Variants in HERC1 observed in about 807,000 individuals in gnomAD.
The protein encoded by HERC1 is HECT and RLD domain containing E3 ubiquitin protein ligase family member 1, also known as probable E3 ubiquitin-protein ligase HERC1.
A neutral mutation model predicts 554.3 loss-of-function variants in HERC1; 160 were observed. That is an observed-to-expected ratio of 0.29 (90% CI 0.25 to 0.33). The LOEUF (loss-of-function observed/expected upper bound fraction) is 0.33, where lower values mean the gene tolerates loss of function less well. Among genes scored for constraint, HERC1 ranks in the 10% least tolerant of loss-of-function variants. The pLI is 1.00. For synonymous variants in HERC1, 2,175 were observed against 2,131.7 expected, an observed-to-expected ratio of 1.02 and a Z score of -0.56; for missense variants, 4,919 against 5,918.5, an observed-to-expected ratio of 0.83 and a Z score of 5.54.
chr15:63,638,316 T>C (rs897437953), intron 63 of HERC1, 95 bp downstream of exon 63: 4 of 1,277,120 alleles, frequency 3.1e-6, no homozygotes, highest in Non-Finnish European at 3.3e-6. Flanking sequence ...TAATAGATTA[T>C]GAAATGGACA....
rs759972144 is a variant in HERC1, at chr15:63,615,750, C to T, written c.14094+18G>A. 1.0e-5 allele frequency: 16 copies of T among 1,564,068 alleles called. No individual in the cohort carries two copies. The highest frequency in any genetic ancestry group is 8.2e-5 in the Admixed American group (4 of 48,942). On this transcript the variant is annotated intron_variant, in intron 76 of 77. Coordinates refer to ENST00000443617, the MANE Select transcript of HERC1 (RefSeq NM_003922.4). Reference sequence around the variant, plus strand: ...AACCCAAGCATTCATGTGTACCTCCCGAGATGTTTCATCTCACCTGTCTGT... The same window carrying T: ...AACCCAAGCATTCATGTGTACCTCCTGAGATGTTTCATCTCACCTGTCTGT...
intron 74 of HERC1, among the ~76,000 whole-genome samples, chr15:63,617,984 T>C (rs1022117756): frequency 1.3e-5 from 2 of 152,178 alleles, no homozygotes; most frequent in Non-Finnish European, 2.9e-5. Context: ...TAGTTTCTTT[T>C]GCTGTGCAGA....
chr15:63,616,344 C>T, intron 75 of HERC1, 86 bp downstream of exon 75: 4 of 1,381,148 alleles, frequency 2.9e-6, no homozygotes, highest in Non-Finnish European at 4.0e-6. Flanking sequence ...AAGTGGAAGA[C>T]TGTATCTCAA....
At chr15:63,637,354 G>T in intron 64 of HERC1, 151 bp downstream of exon 64, 1 of 655,312 alleles carries the variant, frequency 1.5e-6, no homozygotes, top group Non-Finnish European at 2.6e-6. Flanking sequence ...TGGAAATTAA[G>T]GCTGCACACA....
chr15:63,618,479 A>G (rs944198776), intron 74 of HERC1, among the ~76,000 whole-genome samples: 34 of 150,386 alleles, frequency 2.3e-4, no homozygotes, highest in Non-Finnish European at 4.3e-4. Flanking sequence ...TTGACTTGGC[A>G]ATGCGGGCTC....
At chr15:63,634,365 G>A (rs2068690674) in intron 66 of HERC1, among the ~76,000 whole-genome samples, 1 of 152,172 alleles carries the variant, frequency 6.6e-6, no homozygotes, top group South Asian at 2.1e-4. Flanking sequence ...CTACTTAGGA[G>A]CAGTAGCTAC....
chr15:63,734,880 G>A lies in HERC1; in HGVS notation c.2521-31C>T. The A allele has an allele frequency of 6.3e-7, 1 of 1,588,714 alleles. No individual in the cohort carries two copies. Among genetic ancestry groups the A allele is most frequent in the Non-Finnish European group, 8.6e-7 (1 of 1,166,768 alleles). On this transcript the variant is annotated intron_variant, in intron 12 of 77. Transcript: ENST00000443617. The surrounding 1 kb of genome is among the most constrained non-coding windows in gnomAD (Gnocchi z 4.6). ...ATCAAAAGAGAAAAGTATACTGATT[G>A]GCCTGGTTCTTAGTTTTTAATAAAA... is the stretch of plus-strand genomic sequence containing the variant.
chr15:63,695,778 G>A (rs1213090520), intron 27 of HERC1, among the ~76,000 whole-genome samples: 1 of 152,044 alleles, frequency 6.6e-6, no homozygotes, highest in African/African-American at 2.4e-5. Context: ...GTTATCAAAG[G>A]AATCACACAA....
In HERC1 at chr15:63,674,980, T is replaced by C. The variant is rs1449161983; in HGVS notation, c.7208A>G (p.His2403Arg). ...GGTGCTCTGTTTGCCCATGTCTTCA[T>C]GAACGCCAGTGAGATATGTTAGGTC... Reference protein sequence around the residue: ...LLDLTYLTGVHEDMGKQSTKR... With the variant: ...LLDLTYLTGVREDMGKQSTKR... The change falls in exon 38 of 78, where the codon CAT becomes CGT. Residue 2403 changes from histidine (H) to arginine (R), a missense_variant. Transcript: ENST00000443617. 1.2e-6 allele frequency: 2 copies of C among 1,614,044 alleles called. No homozygotes were observed. Among genetic ancestry groups the C allele is most frequent in the South Asian group, 1.1e-5 (1 of 91,088 alleles).
Position 63,651,378 on chromosome 15 carries a change from T to C in HERC1, c.10421A>G (p.Glu3474Gly). The C allele has an allele frequency of 6.2e-7, 1 of 1,612,748 alleles. No homozygotes were observed. The highest frequency in any genetic ancestry group is 2.2e-5 in the East Asian group (1 of 44,864). ...TCCCAGGCTTTCCTCAGCATCCCCT[T>C]CCCTAGAATATAACAGACAGATATG... ...LQQTCVFNRL[E>G]GDAEESLGSP... The change falls in exon 53 of 78, where the codon GAA becomes GGA. Residue 3474 changes from glutamate to glycine, a missense_variant and splice_region_variant. By Grantham distance (98) the Glu-to-Gly change is moderately conservative (BLOSUM62 -2). Coordinates refer to ENST00000443617, the MANE Select transcript of HERC1 (RefSeq NM_003922.4).
intron 1 of HERC1, among the ~76,000 whole-genome samples, chr15:63,796,522 G>A (rs988983317): frequency 7.9e-5 from 12 of 152,160 alleles, no homozygotes; most frequent in African/African-American, 2.9e-4. Context: ...AAATAGCTGA[G>A]TTAGGTCTCA....
At chr15:63,629,618 C>T (rs1373106208) in intron 69 of HERC1, among the ~76,000 whole-genome samples, 1 of 152,210 alleles carries the variant, frequency 6.6e-6, no homozygotes, top group Non-Finnish European at 1.5e-5. Flanking sequence ...ACGGCACTGC[C>T]AGGAAACTCC....
chr15:63,632,661 T>C, intron 68 of HERC1, 48 bp downstream of exon 68: 8 of 1,231,552 alleles, frequency 6.5e-6, no homozygotes, highest in Non-Finnish European at 9.3e-6. Context: ...GGAAGGCCAA[T>C]GTTTATAATG....
Position 63,698,937 on chromosome 15 carries a change from T to C in HERC1, c.4696A>G (p.Arg1566Gly). 6.2e-7 allele frequency: 1 copy of C among 1,613,844 alleles called. No homozygotes were observed. Among genetic ancestry groups the C allele is most frequent in the Non-Finnish European group, 8.5e-7 (1 of 1,179,706 alleles). Reference sequence around the variant, plus strand: ...TAGGAGGAGTTGCATAACCAGTCTCTGCTATGTTTCAGGCGAGCCCAAGAG... The same window carrying C: ...TAGGAGGAGTTGCATAACCAGTCTCCGCTATGTTTCAGGCGAGCCCAAGAG... ...SDSWARLKHS[R>G]DWLCNSSYSF... The change falls in exon 26 of 78, where the codon AGA becomes GGA. Residue 1566 changes from arginine (R) to glycine (G), a missense_variant. Transcript: ENST00000443617.
At chr15:63,618,363 T>G (rs1393083486) in intron 74 of HERC1, among the ~76,000 whole-genome samples, 1 of 152,112 alleles carries the variant, frequency 6.6e-6, no homozygotes, top group Non-Finnish European at 1.5e-5. Context: ...TTGGTCTATA[T>G]CTCTGTTTTG....
chr15:63,653,979 T>TA, intron 51 of HERC1, 140 bp downstream of exon 51: 1 of 649,848 alleles, frequency 1.5e-6, no homozygotes, highest in Non-Finnish European at 2.7e-6. Context: ...AACATCTTTG[T>TA]AATTGTGTGC....
At position 63,624,319 on chromosome 15, in the gene HERC1, T is replaced by A; in HGVS notation, c.13284A>T (p.Thr4428=). 6.3e-7 allele frequency: 1 copy of A among 1,599,580 alleles called. No homozygotes were observed. Residue 4428 remains threonine, a synonymous_variant, in exon 72 of 78, where the codon ACA becomes ACT. Coordinates refer to ENST00000443617, the MANE Select transcript of HERC1 (RefSeq NM_003922.4). ...LNLSPNNQNS[T]SHYNAGTWGI... ...CCCAAGTTCCAGCATTATAATGGGATGTGCTGTTCTGTAACAGAAGGTACG... is the reference window on the plus strand; with the variant it reads ...CCCAAGTTCCAGCATTATAATGGGAAGTGCTGTTCTGTAACAGAAGGTACG...
chr15:63,828,165 T>C (rs750964728), intron 1 of HERC1, among the ~76,000 whole-genome samples: 3 of 151,918 alleles, frequency 2.0e-5, no homozygotes, highest in African/African-American at 7.3e-5. Context: ...AAAAGGAATA[T>C]AAGAGAACAC....
rs2067654364 is a variant in HERC1, at chr15:63,612,701, T to C, written c.14095-145A>G. The C allele has an allele frequency of 5.3e-6, 4 of 750,906 alleles. No homozygotes were observed. The Admixed American group carries it at 8.9e-5, about 17-fold the overall frequency. The allele number at this position is 750,906 out of a possible 1,614,324, so 46.5% of individuals were successfully genotyped here. On this transcript the variant is annotated intron_variant, in intron 76 of 77. Coordinates refer to ENST00000443617, the MANE Select transcript of HERC1 (RefSeq NM_003922.4). The surrounding 1 kb of genome is among the most constrained non-coding windows in gnomAD (Gnocchi z 5.0). The stretch of plus-strand genomic sequence containing the variant: ...TTTCTCAGACCGCCAGGCACGAGAG[T>C]CAGTCAAAAAGGCCCACCCTCCCTG...
Sources: allele counts gnomAD v4.1 joint callset (sites outside exome capture counted in the v4.1 genomes callset), GRCh38; gene constraint gnomAD v4.1.1; non-coding constraint Gnocchi (gnomAD v3.1); transcripts MANE v1.5; gene names NCBI Gene and HGNC (gene_info 2026-07-23, HGNC 2026-07-21).